Variants in NPSR1 observed in about 807,000 individuals in gnomAD.
NPSR1 encodes neuropeptide S receptor.
In NPSR1, 48 loss-of-function variants were observed where a neutral mutation model predicts 46.9. That is an observed-to-expected ratio of 1.02 (90% CI 0.81 to 1.30). The LOEUF (loss-of-function observed/expected upper bound fraction) is 1.30. Among genes scored for constraint, NPSR1 ranks in the 50% most tolerant of loss-of-function variants. The pLI, the probability that NPSR1 is intolerant of heterozygous loss-of-function variation, is 0.00. For synonymous variants in NPSR1, 176 were observed against 168.1 expected (o/e 1.05, Z -0.36); for missense variants, 450 against 449.5 (o/e 1.00, Z -0.01).
chr7:34,871,133 A>G lies in NPSR1; in HGVS notation c.1026-6943A>G, dbSNP rs562947458. Among the ~76,000 whole-genome samples, 357 of 151,926 alleles carry G rather than the reference A, an allele frequency of 2.3e-3. 14 individuals carry two copies. The highest frequency in any genetic ancestry group is 8.2e-3 in the African/African-American group (339 of 41,198). ...TGGTTCATGGTTCTGCAGGCTTTAC[A>G]GGAAGCATGATGCTGTCATCTGCTT... On this transcript the variant is annotated intron_variant, in intron 8 of 8. Transcript: ENST00000359791.
downstream of NPSR1, among the ~76,000 whole-genome samples, chr7:34,852,611 TC>T (rs1562773743): frequency 6.6e-6 from 1 of 152,102 alleles, no homozygotes; most frequent in Admixed American, 6.5e-5. Flanking sequence ...AGGTGTGACT[TC>T]CCTATCTATC....
chr7:34,719,064 T>C (rs17197848), intron 2 of NPSR1: 20,519 of 152,564 alleles, frequency 0.13, 1,686 homozygotes, highest in Non-Finnish European at 0.18. Flanking sequence ...GGTGAGAAGG[T>C]GTCCAGCGTT....
At chr7:34,737,604 C>A (rs1784740262) in intron 2 of NPSR1, among the ~76,000 whole-genome samples, 1 of 152,190 alleles carries the variant, frequency 6.6e-6, no homozygotes, top group Non-Finnish European at 1.5e-5. Flanking sequence ...CAGTAGTATT[C>A]AACACAACTG....
intron 5 of NPSR1, among the ~76,000 whole-genome samples, chr7:34,828,261 G>A (rs1789952748): frequency 6.6e-6 from 1 of 152,230 alleles, no homozygotes; most frequent in African/African-American, 2.4e-5. Flanking sequence ...CAGAGTGAGT[G>A]TAGAGGCAGA....
chr7:34,775,954 T>G (rs1182088004), intron 2 of NPSR1, among the ~76,000 whole-genome samples: 1 of 152,140 alleles, frequency 6.6e-6, no homozygotes, highest in African/African-American at 2.4e-5. Context: ...TCAAGAAACT[T>G]TTAAATTTTC....
intron 1 of NPSR1, among the ~76,000 whole-genome samples, chr7:34,668,949 A>G (rs1430303808): frequency 6.6e-6 from 1 of 152,194 alleles, no homozygotes; most frequent in Non-Finnish European, 1.5e-5. Flanking sequence ...TGTCTAATGC[A>G]ACTCCTAAAG....
At chr7:34,803,738 A>G (rs1205949482) in intron 3 of NPSR1, among the ~76,000 whole-genome samples, 2 of 146,434 alleles carry the variant, frequency 1.4e-5, no homozygotes, top group Non-Finnish European at 3.0e-5. Flanking sequence ...TAAAATTTAA[A>G]AAAAGATAGC....
intron 1 of NPSR1, among the ~76,000 whole-genome samples, chr7:34,673,445 G>C (rs1050276804): frequency 6.6e-6 from 1 of 152,088 alleles, no homozygotes; most frequent in Non-Finnish European, 1.5e-5. Flanking sequence ...GTAAGCCAAG[G>C]CTCTCTCCTC....
intron 1 of NPSR1, among the ~76,000 whole-genome samples, chr7:34,659,413 T>C (rs919531205): frequency 1.4e-4 from 21 of 152,190 alleles, no homozygotes; most frequent in Non-Finnish European, 2.5e-4. Flanking sequence ...AAGATTCTAG[T>C]TGTTGCTTTG....
chr7:34,828,081 G>C (rs1183372308), intron 5 of NPSR1, among the ~76,000 whole-genome samples: 1 of 152,142 alleles, frequency 6.6e-6, no homozygotes, highest in Non-Finnish European at 1.5e-5. Flanking sequence ...AGACATACTT[G>C]AAACAAACTG....
chr7:34,799,353 A>C (rs1355761222), intron 3 of NPSR1, among the ~76,000 whole-genome samples: 1 of 152,154 alleles, frequency 6.6e-6, no homozygotes, highest in Non-Finnish European at 1.5e-5. Context: ...CTGTTTCTTT[A>C]AAAAGATAAT....
chr7:34,865,465 C>T (rs1328279458), intron 8 of NPSR1, among the ~76,000 whole-genome samples: 2 of 151,742 alleles, frequency 1.3e-5, no homozygotes, highest in South Asian at 2.1e-4. Context: ...TCAATCCAAG[C>T]GACTTAAGCC....
rs552355754 is a variant in NPSR1, at chr7:34,752,932, T to A, written c.281-25530T>A. On this transcript the variant is annotated intron_variant, in intron 2 of 8. Transcript: ENST00000360581. Reference sequence around the variant, plus strand: ...CCCAGAAGATTTTGCCAATCATCCCTCTTTTGGACAAATATCGTGCAACAC... The same window carrying A: ...CCCAGAAGATTTTGCCAATCATCCCACTTTTGGACAAATATCGTGCAACAC... Among the ~76,000 whole-genome samples, 8 of 152,298 alleles carry A rather than the reference T, an allele frequency of 5.3e-5. 1 individual carries two copies. The East Asian group carries it at 1.5e-3, about 29-fold the overall frequency.
At chr7:34,750,648 G>T in intron 2 of NPSR1, 1 of 690,644 alleles carries the variant, frequency 1.4e-6, no homozygotes, top group Non-Finnish European at 2.7e-6. Flanking sequence ...CCATGTTGTA[G>T]CTTGCCCATA....
At chr7:34,779,078 TGAGA>T (rs1020965047) in intron 3 of NPSR1, among the ~76,000 whole-genome samples, 2 of 152,282 alleles carry the variant, frequency 1.3e-5, no homozygotes, top group African/African-American at 2.4e-5. Flanking sequence ...ATTTTATAAC[TGAGA>T]GACTTTTTAG....
intron 2 of NPSR1, among the ~76,000 whole-genome samples, chr7:34,702,627 A>T (rs932235080): frequency 6.6e-6 from 1 of 152,192 alleles, no homozygotes. Flanking sequence ...GGCTGCAGTG[A>T]TCCATTGGAT....
At position 34,662,673 on chromosome 7, in the gene NPSR1, C is replaced by T. The variant is rs190931228; in HGVS notation, c.147+4114C>T. Among the ~76,000 whole-genome samples, 27 of 152,254 alleles carry T rather than the reference C, an allele frequency of 1.8e-4. No individual in the cohort carries two copies. In the South Asian group the frequency reaches 3.3e-3, roughly 19 times the overall value. On this transcript the variant is annotated intron_variant, in intron 1 of 8. Coordinates refer to ENST00000360581, the MANE Select transcript of NPSR1 (RefSeq NM_207172.2). ...TAAGGAAATTACTACCAGTTTTGCT[C>T]GGTTAAATCATTATTAAACATATTA... is the stretch of plus-strand genomic sequence containing the variant.
At chr7:34,707,398 T>C (rs1794163745) in intron 2 of NPSR1, among the ~76,000 whole-genome samples, 1 of 152,224 alleles carries the variant, frequency 6.6e-6, no homozygotes, top group African/African-American at 2.4e-5. Context: ...AGCTGGCTTC[T>C]GGCCCATGCA....
At chr7:34,827,204 C>T (rs780558092) in intron 4 of NPSR1, among the ~76,000 whole-genome samples, 197 bp from the exon 5 acceptor site, 1 of 152,204 alleles carries the variant, frequency 6.6e-6, no homozygotes, top group Non-Finnish European at 1.5e-5. Flanking sequence ...TCTGTTCAAG[C>T]TTCCCTTTGT....
Sources: allele counts gnomAD v4.1 joint callset (sites outside exome capture counted in the v4.1 genomes callset), GRCh38; gene constraint gnomAD v4.1.1; transcripts MANE v1.5; gene names NCBI Gene and HGNC (gene_info 2026-07-23, HGNC 2026-07-21).